Variants in SAMSN1 observed in about 807,000 individuals in gnomAD.
SAMSN1 encodes SAM domain, SH3 domain and nuclear localization signals 1.
A neutral mutation model predicts 42.0 loss-of-function variants in SAMSN1; 31 were observed. The ratio of observed to expected loss-of-function variants is 0.74; its 90% confidence interval spans 0.55 to 1.00. The LOEUF (loss-of-function observed/expected upper bound fraction) is 1.00, where lower values mean the gene tolerates loss of function less well. SAMSN1 is among the 50% of genes least tolerant of loss of function. SAMSN1 has a pLI of 0.00. For synonymous variants in SAMSN1, 178 were observed against 151.9 expected (o/e 1.17, Z -1.26); for missense variants, 464 against 439.4 (o/e 1.06, Z -0.50).
At chr21:14,528,650 T>C (rs571117034) in intron 1 of SAMSN1, among the ~76,000 whole-genome samples, 2 of 152,348 alleles carry the variant, frequency 1.3e-5, no homozygotes, top group East Asian at 3.9e-4. Context: ...TGTACATATG[T>C]CCAATTATTT....
intron 2 of SAMSN1, among the ~76,000 whole-genome samples, chr21:14,552,102 G>A (rs1980617384): frequency 6.6e-6 from 1 of 152,060 alleles, no homozygotes; most frequent in Admixed American, 6.6e-5. Context: ...AGCCAATCCA[G>A]AGCTCTTTTC....
chr21:14,487,730 T>C (rs1025748080), intron 7 of SAMSN1, among the ~76,000 whole-genome samples: 3 of 152,188 alleles, frequency 2.0e-5, no homozygotes, highest in African/African-American at 7.2e-5. Context: ...AGTGAAACCA[T>C]ATTTATGCCA....
At chr21:14,496,744 T>C (rs2123673954) in intron 7 of SAMSN1, among the ~76,000 whole-genome samples, 2 of 152,276 alleles carry the variant, frequency 1.3e-5, no homozygotes, top group Middle Eastern at 3.4e-3. Context: ...CTCTTTTGCA[T>C]CTCCCAGCCT....
chr21:14,610,871 T>A (rs1982687743), intron 4 of SAMSN1, among the ~76,000 whole-genome samples: 1 of 152,198 alleles, frequency 6.6e-6, no homozygotes, highest in Non-Finnish European at 1.5e-5. Flanking sequence ...TACTTTAACG[T>A]CTCTTGATAG....
chr21:14,569,605 G>A (rs1286521479), intron 2 of SAMSN1, among the ~76,000 whole-genome samples: 3 of 151,986 alleles, frequency 2.0e-5, no homozygotes, highest in Non-Finnish European at 4.4e-5. Context: ...CTTTTCAATT[G>A]TATAAAGCTT....
chr21:14,521,233 A>G lies in SAMSN1; in HGVS notation c.58-12T>C, dbSNP rs1338592356. The G allele has an allele frequency of 1.3e-6, 2 of 1,594,144 alleles. No individual in the cohort carries two copies. The highest frequency in any genetic ancestry group is 1.7e-5 in the Admixed American group (1 of 58,674). On this transcript the variant is annotated splice_polypyrimidine_tract_variant and intron_variant, in intron 1 of 7. Transcript: ENST00000400566. ...AAACTGCTGCTTCGCTATAAAATAG[A>G]AAAGAAAAAGCAAAGGAAACTTAGA...
intron 6 of SAMSN1, among the ~76,000 whole-genome samples, chr21:14,599,083 C>A (rs1437482190): frequency 1.3e-5 from 2 of 152,136 alleles, no homozygotes; most frequent in Non-Finnish European, 2.9e-5. Flanking sequence ...CATCTGTGAA[C>A]AAATACTCAT....
chr21:14,548,995 T>A (rs1301011706), upstream of SAMSN1, among the ~76,000 whole-genome samples: 2 of 152,184 alleles, frequency 1.3e-5, no homozygotes, highest in Non-Finnish European at 2.9e-5. Context: ...ACCTTAATGG[T>A]CTTACATCCC....
At chr21:14,592,600 A>G in intron 7 of SAMSN1, 1 of 368,012 alleles carries the variant, frequency 2.7e-6, no homozygotes. Context: ...ATTTGACTAC[A>G]TAAGTATCTT....
chr21:14,640,657 T>C (rs76158267), intron 2 of SAMSN1, among the ~76,000 whole-genome samples: 7 of 18,988 alleles, frequency 3.7e-4, no homozygotes, highest in Non-Finnish European at 1.4e-3. Context: ...TAAAATACCT[T>C]GATTTAATTA....
intron 2 of SAMSN1, among the ~76,000 whole-genome samples, chr21:14,639,218 G>C (rs1983537775): frequency 6.6e-6 from 1 of 152,160 alleles, no homozygotes; most frequent in Non-Finnish European, 1.5e-5. Context: ...TATGTTCTCT[G>C]TCTTAATCTG....
At chr21:14,622,246 C>T (rs911960564) in intron 2 of SAMSN1, among the ~76,000 whole-genome samples, 20 of 152,204 alleles carry the variant, frequency 1.3e-4, no homozygotes, top group Admixed American at 2.6e-4. Flanking sequence ...CAGCTCCTCG[C>T]CAGCAATGGA....
chr21:14,608,220 A>T (rs747796858), intron 5 of SAMSN1, among the ~76,000 whole-genome samples: 1 of 152,212 alleles, frequency 6.6e-6, no homozygotes, highest in Non-Finnish European at 1.5e-5. Context: ...AAAGTAGGAA[A>T]GGTGGTTTTG....
At chr21:14,531,736 A>G (rs1481988543) in intron 1 of SAMSN1, among the ~76,000 whole-genome samples, 1 of 152,244 alleles carries the variant, frequency 6.6e-6, no homozygotes, top group Non-Finnish European at 1.5e-5. Context: ...AGTACTCATT[A>G]CTTTGAAATT....
chr21:14,590,315 A>G (rs1480766558), intron 7 of SAMSN1, among the ~76,000 whole-genome samples: 9 of 151,766 alleles, frequency 5.9e-5, no homozygotes, highest in Non-Finnish European at 1.3e-4. Flanking sequence ...CTGTCCACCA[A>G]GCTGGAGGCT....
chr21:14,623,093 C>A (rs1253237463), intron 2 of SAMSN1, among the ~76,000 whole-genome samples: 4 of 152,152 alleles, frequency 2.6e-5, no homozygotes, highest in South Asian at 2.1e-4. Flanking sequence ...CACCACCAGG[C>A]CTGCCCTACA....
chr21:14,606,504 CT>C (rs986629668), intron 5 of SAMSN1, among the ~76,000 whole-genome samples: 1 of 151,986 alleles, frequency 6.6e-6, no homozygotes, highest in African/African-American at 2.4e-5. Flanking sequence ...CTTCTCAATT[CT>C]TTTTTATAAA....
chr21:14,575,769 A>G (rs1036235003), intron 2 of SAMSN1, among the ~76,000 whole-genome samples: 16 of 152,208 alleles, frequency 1.1e-4, no homozygotes, highest in African/African-American at 3.9e-4. Context: ...TGACATCACT[A>G]AAGCACAAAG....
At chr21:14,623,379 C>G (rs1475127929) in intron 2 of SAMSN1, among the ~76,000 whole-genome samples, 2 of 151,990 alleles carry the variant, frequency 1.3e-5, no homozygotes, top group African/African-American at 4.8e-5. Context: ...TTCAGGAGAC[C>G]CATCTCACGT....
Sources: gnomAD v4.1 joint callset for allele counts (sites outside exome capture counted in the v4.1 genomes callset) on GRCh38, gnomAD v4.1.1 for gene constraint, MANE v1.5 for transcripts, NCBI Gene and HGNC (gene_info 2026-07-23, HGNC 2026-07-21) for gene names.